OR4N2: variants seen among roughly 807,000 people sequenced by gnomAD.
The protein encoded by OR4N2 is olfactory receptor family 4 subfamily N member 2, also known as olfactory receptor 4N2.
For missense variants in OR4N2, 307 were observed against 377.6 expected (o/e 0.81, Z 1.55); for synonymous variants, 141 against 140.4 (o/e 1.00, Z -0.03).
At chr14:19,809,312 C>T (rs770834657) in intron 1 of OR4N2, among the ~76,000 whole-genome samples, 6 of 152,198 alleles carry the variant, frequency 3.9e-5, no homozygotes, top group Non-Finnish European at 5.9e-5. Flanking sequence ...GAATTTTTGG[C>T]TGAGTCCTCA....
chr14:19,813,126 T>G (rs1879342566), intron 1 of OR4N2, among the ~76,000 whole-genome samples: 1 of 152,360 alleles, frequency 6.6e-6, no homozygotes, highest in African/African-American at 2.4e-5. Flanking sequence ...GATCCTGGAT[T>G]ATATGCACAA....
intron 1 of OR4N2, among the ~76,000 whole-genome samples, chr14:19,816,397 T>A (rs906915966): frequency 6.6e-6 from 1 of 152,382 alleles, no homozygotes; most frequent in Admixed American, 6.5e-5. Flanking sequence ...GTAATTCTCC[T>A]TGAAGAGGTC....
chr14:19,813,855 T>TTTTTTTTTTTAG, intron 1 of OR4N2, among the ~76,000 whole-genome samples: 1 of 143,734 alleles, frequency 7.0e-6, no homozygotes, highest in African/African-American at 2.6e-5. Flanking sequence ...TTTTTTTTTT[T>TTTTTTTTTTTAG]AAGTCATACA....
intron 1 of OR4N2, among the ~76,000 whole-genome samples, chr14:19,804,183 G>A (rs1879097615): frequency 6.6e-6 from 1 of 151,924 alleles, no homozygotes; most frequent in South Asian, 2.1e-4. Context: ...ATGGGTTTTT[G>A]CATCTCAATT....
intron 1 of OR4N2, among the ~76,000 whole-genome samples, chr14:19,808,371 A>G (rs1255028888): frequency 1.3e-5 from 2 of 152,208 alleles, no homozygotes; most frequent in Non-Finnish European, 2.9e-5. Context: ...ACTGATATAC[A>G]GTTTTAGGAA....
chr14:19,813,697 C>A (rs1436636937), intron 1 of OR4N2, among the ~76,000 whole-genome samples: 1 of 152,150 alleles, frequency 6.6e-6, no homozygotes, highest in Admixed American at 6.5e-5. Flanking sequence ...TAGTTACTCA[C>A]AAATTTTTGG....
chr14:19,822,815 C>G (rs1354298184), intron 1 of OR4N2, among the ~76,000 whole-genome samples: 1 of 152,242 alleles, frequency 6.6e-6, no homozygotes, highest in African/African-American at 2.4e-5. Flanking sequence ...CCATCAGACC[C>G]AAAGAGTCAA....
chr14:19,815,171 C>T (rs1879393599), intron 1 of OR4N2, among the ~76,000 whole-genome samples: 1 of 152,212 alleles, frequency 6.6e-6, no homozygotes, highest in Admixed American at 6.5e-5. Context: ...ATTTATAATT[C>T]TTTGGGTATA....
At position 19,828,947 on chromosome 14, in the gene OR4N2, A is replaced by T. The variant is rs1356173306; in HGVS notation, c.*575A>T. 9 of 154,084 alleles carry T rather than the reference A, an allele frequency of 5.8e-5. No homozygotes were observed. Among genetic ancestry groups the T allele is most frequent in the African/African-American group, 1.9e-4 (8 of 41,486 alleles). The allele number at this position is 154,084 out of a possible 1,614,324, so 9.5% of individuals were successfully genotyped here. ...AAAACATACGGTCTACATAGTAAAT[A>T]TGAGTTTTCATTTTATTACAATTAC... On this transcript the variant is annotated 3_prime_UTR_variant, in exon 2 of 2. Transcript: ENST00000557677.
rs747191571 is a variant in OR4N2, at chr14:19,828,055, A to G, written c.607A>G (p.Ser203Gly). Reference sequence around the variant, plus strand: ...GGTGGAGCTTCTGATGGTCTTCAACAGTGGCCTGATGACACTCCTGTGCTT... The same window carrying G: ...GGTGGAGCTTCTGATGGTCTTCAACGGTGGCCTGATGACACTCCTGTGCTT... ...FVVELLMVFNSGLMTLLCFLG... is the reference protein window; with the variant it reads ...FVVELLMVFNGGLMTLLCFLG... Residue 203 changes from serine (S) to glycine (G), a missense_variant, in exon 2 of 2, where the codon AGT becomes GGT. Transcript: ENST00000557677. 23 of 1,614,130 alleles carry G rather than the reference A, an allele frequency of 1.4e-5. No homozygotes were observed. Among genetic ancestry groups the G allele is most frequent in the Non-Finnish European group, 1.3e-5 (15 of 1,180,046 alleles).
intron 1 of OR4N2, among the ~76,000 whole-genome samples, chr14:19,819,955 T>C (rs1405343420): frequency 6.6e-6 from 1 of 152,262 alleles, no homozygotes; most frequent in African/African-American, 2.4e-5. Flanking sequence ...CTGCTGCAGG[T>C]CTGCTGGAGT....
At chr14:19,818,553 C>T (rs1435211807) in intron 1 of OR4N2, among the ~76,000 whole-genome samples, 2 of 152,282 alleles carry the variant, frequency 1.3e-5, no homozygotes, top group Non-Finnish European at 2.9e-5. Context: ...TCCTCCATCC[C>T]TTCATTTTGA....
chr14:19,805,199 G>A (rs1371542777), intron 1 of OR4N2, among the ~76,000 whole-genome samples: 1 of 152,090 alleles, frequency 6.6e-6, no homozygotes, highest in Non-Finnish European at 1.5e-5. Flanking sequence ...TTACATTCAA[G>A]GTCATTCAAG....
chr14:19,813,401 C>T (rs1231886727), intron 1 of OR4N2, among the ~76,000 whole-genome samples: 5 of 152,222 alleles, frequency 3.3e-5, no homozygotes, highest in Admixed American at 6.5e-5. Context: ...AAGAATTTAC[C>T]AACAACTGTA....
At chr14:19,811,762 A>T (rs1879302588) in intron 1 of OR4N2, among the ~76,000 whole-genome samples, 1 of 152,276 alleles carries the variant, frequency 6.6e-6, no homozygotes, top group African/African-American at 2.4e-5. Context: ...TGTCTGTAAA[A>T]AATTCTAAGT....
At chr14:19,819,473 G>T (rs11847001) in intron 1 of OR4N2, among the ~76,000 whole-genome samples, 4 of 152,166 alleles carry the variant, frequency 2.6e-5, no homozygotes, top group African/African-American at 9.7e-5. Flanking sequence ...CCGCTCCATC[G>T]ATTTGGCTAT....
chr14:19,805,839 T>C (rs114551995), intron 1 of OR4N2, among the ~76,000 whole-genome samples: 1,610 of 152,064 alleles, frequency 0.011, 15 homozygotes, highest in African/African-American at 0.037. Flanking sequence ...GGTCAGGTTA[T>C]GTACGAAGGG....
At chr14:19,818,509 C>CT (rs1292396340) in intron 1 of OR4N2, among the ~76,000 whole-genome samples, 20 of 152,084 alleles carry the variant, frequency 1.3e-4, no homozygotes, top group East Asian at 1.2e-3. Context: ...GCAACCGCTG[C>CT]TTTTTTTTGG....
chr14:19,806,309 G>A (rs1260671362), intron 1 of OR4N2, among the ~76,000 whole-genome samples: 1 of 149,854 alleles, frequency 6.7e-6, no homozygotes, highest in African/African-American at 2.4e-5. Flanking sequence ...AGACACCACT[G>A]TCTGTTGTCT....
Sources: allele counts gnomAD v4.1 joint callset (sites outside exome capture counted in the v4.1 genomes callset), GRCh38; gene constraint gnomAD v4.1.1; transcripts MANE v1.5; gene names NCBI Gene and HGNC (gene_info 2026-07-23, HGNC 2026-07-21).